The following PIP4K2A variants were observed in gnomAD, a reference collection of about 807,000 sequenced individuals.
PIP4K2A encodes the protein phosphatidylinositol 5-phosphate 4-kinase type-2 alpha.
PIP4K2A carries 14 observed loss-of-function variants against 42.9 expected under a neutral mutation model. The ratio of observed to expected loss-of-function variants is 0.33; its 90% CI spans 0.22 to 0.51. The LOEUF is 0.51. Ranked by LOEUF, PIP4K2A falls within the 20% of genes least tolerant of loss-of-function variation. PIP4K2A has a pLI of 0.97. For missense variants in PIP4K2A, 434 were observed against 519.8 expected (o/e 0.83, Z 1.61); for synonymous variants, 192 against 192.2 (o/e 1.00, Z 0.01).
At chr10:22,653,194 T>C (rs1839028234) in intron 1 of PIP4K2A, among the ~76,000 whole-genome samples, 1 of 151,794 alleles carries the variant, frequency 6.6e-6, no homozygotes, top group Admixed American at 6.6e-5. Context: ...AGAAGAAAAA[T>C]AGTTTCAAAG....
chr10:22,588,329 T>A (rs1837443706), intron 4 of PIP4K2A, among the ~76,000 whole-genome samples: 1 of 152,214 alleles, frequency 6.6e-6, no homozygotes, highest in African/African-American at 2.4e-5. Flanking sequence ...TTTCTCAGCT[T>A]GTGGCAAGGA....
chr10:22,539,903 G>A (rs368795654), intron 9 of PIP4K2A, 68 bp downstream of exon 9: 16 of 424,664 alleles, frequency 3.8e-5, no homozygotes, highest in South Asian at 3.3e-4. Context: ...GAGAGAGAGA[G>A]AGAGAGAGGG....
intron 7 of PIP4K2A, among the ~76,000 whole-genome samples, chr10:22,544,945 C>T (rs1411044499): frequency 6.6e-6 from 1 of 152,228 alleles, no homozygotes; most frequent in Non-Finnish European, 1.5e-5. Context: ...CCGCACACTC[C>T]TCCCCAGTGA....
chr10:22,619,683 C>T (rs551345060), intron 1 of PIP4K2A, among the ~76,000 whole-genome samples: 2 of 152,160 alleles, frequency 1.3e-5, no homozygotes, highest in Admixed American at 6.5e-5. Flanking sequence ...GTGATCCACC[C>T]GCGTTGGCCT....
intron 6 of PIP4K2A, among the ~76,000 whole-genome samples, chr10:22,557,913 C>G (rs1399487159): frequency 6.6e-6 from 1 of 152,190 alleles, no homozygotes; most frequent in Non-Finnish European, 1.5e-5. Flanking sequence ...GAAATGCACC[C>G]AGTCACACTT....
chr10:22,538,903 T>C (rs556232158), intron 9 of PIP4K2A, among the ~76,000 whole-genome samples: 11 of 152,338 alleles, frequency 7.2e-5, no homozygotes, highest in African/African-American at 2.6e-4. Flanking sequence ...CTGTGTTTGT[T>C]AGGCTGATTT....
rs75476941 is a variant in PIP4K2A, at chr10:22,621,665, A to C, written c.145-11948T>G. Reference sequence around the variant, plus strand: ...TACCCCAGATAACCACATCTACTGAAAAAGTAAGCAGTGAGTGACAGCTGT... The same window carrying C: ...TACCCCAGATAACCACATCTACTGACAAAGTAAGCAGTGAGTGACAGCTGT... On this transcript the variant is annotated intron_variant, in intron 1 of 9. Coordinates refer to ENST00000376573, the MANE Select transcript of PIP4K2A (RefSeq NM_005028.5). 3.8e-3 allele frequency among the ~76,000 whole-genome samples: 580 copies of C among 151,558 alleles called. 1 individual carries two copies. The highest frequency in any genetic ancestry group is 5.6e-3 in the Non-Finnish European group (379 of 68,024).
chr10:22,664,038 T>C (rs1839260520), intron 1 of PIP4K2A, among the ~76,000 whole-genome samples: 2 of 108,726 alleles, frequency 1.8e-5, no homozygotes, highest in Non-Finnish European at 3.4e-5. Context: ...TATACATATA[T>C]ATATATATAC....
At chr10:22,661,050 A>T (rs955237672) in intron 1 of PIP4K2A, among the ~76,000 whole-genome samples, 21 of 152,174 alleles carry the variant, frequency 1.4e-4, no homozygotes, top group Non-Finnish European at 2.9e-4. Flanking sequence ...ATCTCTCCAT[A>T]TTTTCCACTC....
intron 3 of PIP4K2A, among the ~76,000 whole-genome samples, chr10:22,594,648 C>T (rs186441184): frequency 5.2e-4 from 79 of 152,332 alleles, no homozygotes; most frequent in Non-Finnish European, 2.2e-4. Flanking sequence ...TATCTGCCTG[C>T]CTTGGCCTCC....
At chr10:22,658,432 A>G (rs1179009724) in intron 1 of PIP4K2A, among the ~76,000 whole-genome samples, 1 of 152,242 alleles carries the variant, frequency 6.6e-6, no homozygotes, top group Admixed American at 6.5e-5. Context: ...GTTTCATATA[A>G]CTGTAAGAAT....
At chr10:22,665,071 G>C (rs74659667) in intron 1 of PIP4K2A, among the ~76,000 whole-genome samples, 26,416 of 151,950 alleles carry the variant, frequency 0.17, 3,267 homozygotes, top group African/African-American at 0.35. Context: ...TATCTTTATG[G>C]ATATATTTAA....
intron 1 of PIP4K2A, among the ~76,000 whole-genome samples, chr10:22,637,176 C>T (rs1838684168): frequency 6.6e-6 from 1 of 152,094 alleles, no homozygotes; most frequent in Non-Finnish European, 1.5e-5. Flanking sequence ...TTTTAAAACC[C>T]ACAGAAGAGT....
intron 6 of PIP4K2A, among the ~76,000 whole-genome samples, chr10:22,557,813 T>C (rs1836588605): frequency 1.3e-5 from 2 of 152,060 alleles, no homozygotes; most frequent in African/African-American, 4.8e-5. Flanking sequence ...AAATAGAAAA[T>C]ACATGAACCT....
intron 1 of PIP4K2A, among the ~76,000 whole-genome samples, chr10:22,678,140 T>TA (rs200074294): frequency 7.1e-4 from 106 of 150,328 alleles, no homozygotes; most frequent in South Asian, 4.0e-3. Flanking sequence ...TGCTGGACTT[T>TA]AAAAAAAAAA....
chr10:22,536,538 A>T lies in PIP4K2A; in HGVS notation c.*663T>A, dbSNP rs891411866. 1 of 164,104 alleles carries T rather than the reference A, an allele frequency of 6.1e-6. No individual in the cohort carries two copies. The highest frequency in any genetic ancestry group is 2.4e-5 in the African/African-American group (1 of 41,966). 10.2% of individuals were successfully genotyped at this position (164,104 alleles called of 1,614,324 possible). On this transcript the variant is annotated 3_prime_UTR_variant, in exon 10 of 10. Transcript: ENST00000376573. ...CTGAACCAGTACACACGGAGACGCC[A>T]GCATTCTTCCGTCCAGTGCTGGGGG...
At chr10:22,590,150 G>C (rs900248923) in intron 4 of PIP4K2A, among the ~76,000 whole-genome samples, 5 of 152,164 alleles carry the variant, frequency 3.3e-5, no homozygotes, top group African/African-American at 1.2e-4. Context: ...GGAAGAACCT[G>C]ACCATACTGG....
At chr10:22,703,431 A>G (rs1164442859) in intron 1 of PIP4K2A, among the ~76,000 whole-genome samples, 1 of 152,152 alleles carries the variant, frequency 6.6e-6, no homozygotes, top group Non-Finnish European at 1.5e-5. Flanking sequence ...AAATAAATAA[A>G]AGAGGGAAAA....
intron 3 of PIP4K2A, among the ~76,000 whole-genome samples, chr10:22,599,707 C>T (rs1837711811): frequency 6.6e-6 from 1 of 152,194 alleles, no homozygotes; most frequent in Non-Finnish European, 1.5e-5. Context: ...TCATTTTCGC[C>T]TATTTTGCAA....
Sources: gnomAD v4.1 joint callset for allele counts (sites outside exome capture counted in the v4.1 genomes callset) on GRCh38, gnomAD v4.1.1 for gene constraint, MANE v1.5 for transcripts, NCBI Gene and HGNC (gene_info 2026-07-23, HGNC 2026-07-21) for gene names.